The following NEFH variants were observed in gnomAD, a reference collection of about 807,000 sequenced individuals.
NEFH encodes neurofilament heavy chain.
In NEFH, 58 loss-of-function variants were observed where a neutral mutation model predicts 56.6. The observed-to-expected ratio is 1.03, with a 90% CI of 0.83 to 1.28. The LOEUF (loss-of-function observed/expected upper bound fraction) is 1.28. Ranked by LOEUF, NEFH falls within the 50% of genes most tolerant of loss-of-function variation. NEFH has a pLI of 0.00. For missense variants in NEFH, 1,221 were observed against 1,307.6 expected (o/e 0.93, Z 1.02); for synonymous variants, 542 against 545.8 (o/e 0.99, Z 0.10).
At position 29,490,699 on chromosome 22, in the gene NEFH, A is replaced by C; in HGVS notation, c.3059A>C (p.Lys1020Thr). 6.2e-7 allele frequency: 1 copy of C among 1,614,156 alleles called. No individual in the cohort carries two copies. The change falls in exon 4 of 4, where the codon AAG (lysine) becomes ACG (threonine). Residue 1020 changes from lysine (K) to threonine (T), a missense_variant. Transcript: ENST00000310624. ...KATEDKAAKG[K>T] ...ACAGAAGACAAGGCCGCCAAGGGGA[A>C]GTAAGGCAGGGAGAAAGGAACATCC...
rs762622520 is a variant in NEFH at position 29,489,402 on chromosome 22, G to A, written c.1762G>A (p.Ala588Thr). ...GTCCCCCGAGAAGGCCAAGTCCCCA[G>A]CAAAGGAAGAGGCAAAGTCACCGGC... is the stretch of plus-strand genomic sequence containing the variant. ...VKSPEKAKSP[A>T]KEEAKSPAEA... The change falls in exon 4 of 4, where the codon GCA becomes ACA. Residue 588 changes from alanine (A) to threonine (T), a missense_variant. This residue lies in a region of NEFH where 243 missense variants were observed against 299.1 expected (regional missense o/e 0.81). Transcript: ENST00000310624. The A allele has an allele frequency of 7.4e-6, 12 of 1,613,042 alleles. No individual in the cohort carries two copies. Among genetic ancestry groups the A allele is most frequent in the East Asian group, 2.2e-5 (1 of 44,862 alleles).
intron 2 of NEFH, among the ~76,000 whole-genome samples, chr22:29,484,911 T>C (rs1426804875): frequency 6.6e-6 from 1 of 151,846 alleles, no homozygotes; most frequent in Non-Finnish European, 1.5e-5. Context: ...CATAGCTCAC[T>C]AAAGTCTTGT....
In NEFH at chr22:29,483,411, A is replaced by T; in HGVS notation, c.920A>T (p.Asn307Ile). Residue 307 changes from asparagine to isoleucine, a missense_variant, in exon 2 of 4, where the codon AAC (asparagine) becomes ATC (isoleucine). Transcript: ENST00000310624. ...LDRLSEAAKVNTDAMRSAQEE... is the reference protein window; with the variant it reads ...LDRLSEAAKVITDAMRSAQEE... ...CGACTGTCGGAGGCAGCCAAGGTGA[A>T]CACAGACGCTATGCGCTCAGCGCAG... 2 of 1,613,838 alleles carry T rather than the reference A, an allele frequency of 1.2e-6. No homozygotes were observed. The highest frequency in any genetic ancestry group is 4.5e-5 in the East Asian group (2 of 44,890).
chr22:29,483,388 A>C lies in NEFH; in HGVS notation c.897A>C (p.Arg299=), dbSNP rs1319093674. ...SEEWFRVRLD[R]LSEAAKVNTD... ...CTTCTCCCCCAGTGAGGCTGGACCG[A>C]CTGTCGGAGGCAGCCAAGGTGAACA... Residue 299 remains arginine, a synonymous_variant, in exon 2 of 4, where the codon CGA becomes CGC. Coordinates refer to ENST00000310624, the MANE Select transcript of NEFH (RefSeq NM_021076.4). 3.1e-6 allele frequency: 5 copies of C among 1,613,808 alleles called. No individual in the cohort carries two copies. Among genetic ancestry groups the C allele is most frequent in the Non-Finnish European group, 4.2e-6 (5 of 1,180,026 alleles).
At position 29,490,127 on chromosome 22, in the gene NEFH, G is replaced by A; in HGVS notation, c.2487G>A (p.Lys829=). ...AGTCCCCAGTGAAGGAGGAGGAGAA[G>A]CCCCAGGAGGTGAAAGTCAAAGAGC... The part of the protein sequence containing the change: ...EVKSPVKEEE[K]PQEVKVKEPP... The change falls in exon 4 of 4, where the codon AAG becomes AAA. Residue 829 remains lysine, a synonymous_variant. Transcript: ENST00000310624. 1.2e-6 allele frequency: 2 copies of A among 1,613,986 alleles called. No homozygotes were observed. Among genetic ancestry groups the A allele is most frequent in the Non-Finnish European group, 1.7e-6 (2 of 1,179,984 alleles).
At position 29,483,585 on chromosome 22, in the gene NEFH, G is replaced by T; in HGVS notation, c.1083+11G>T. ...ATTGCCTCCTACCAGGTGGGCAGGGGCAAGGCAGACAGCCAGACTGCCTTA... is the reference window on the plus strand; with the variant it reads ...ATTGCCTCCTACCAGGTGGGCAGGGTCAAGGCAGACAGCCAGACTGCCTTA... On this transcript the variant is annotated intron_variant, in intron 2 of 3. Coordinates refer to ENST00000310624, the MANE Select transcript of NEFH (RefSeq NM_021076.4). 3 of 1,613,072 alleles carry T rather than the reference G, an allele frequency of 1.9e-6. No individual in the cohort carries two copies. Among genetic ancestry groups the T allele is most frequent in the Non-Finnish European group, 2.5e-6 (3 of 1,179,874 alleles).
At chr22:29,481,558 G>T (rs1214147296) in intron 1 of NEFH, among the ~76,000 whole-genome samples, 1 of 152,154 alleles carries the variant, frequency 6.6e-6, no homozygotes, top group Non-Finnish European at 1.5e-5. Flanking sequence ...CCCCGCCAAT[G>T]CTGCCATGCC....
Position 29,483,227 on chromosome 22 carries a change from T to C in NEFH, c.884-148T>C, listed in dbSNP as rs1232154977. On this transcript the variant is annotated intron_variant, in intron 1 of 3. Transcript: ENST00000310624. The stretch of plus-strand genomic sequence containing the variant: ...CCAGGAGGCGGAGCTTGCAGCGAGC[T>C]GAGAGTGCACCACTGCCCTCCAGCC... 3 of 721,122 alleles carry C rather than the reference T, an allele frequency of 4.2e-6. No individual in the cohort carries two copies. In the African/African-American group the frequency reaches 5.4e-5, roughly 13 times the overall value. The allele number at this position is 721,122 out of a possible 1,614,324, so 44.7% of individuals were successfully genotyped here. A position where few individuals can be genotyped will look rare whatever the true frequency, so the allele number is the denominator to read the frequency against.
In NEFH at chr22:29,490,153, C is replaced by A; in HGVS notation, c.2513C>A (p.Pro838His). ...CCCCAGGAGGTGAAAGTCAAAGAGCCCCCAAAGAAGGCAGAGGAAGAGAAA... is the reference window on the plus strand; with the variant it reads ...CCCCAGGAGGTGAAAGTCAAAGAGCACCCAAAGAAGGCAGAGGAAGAGAAA... ...EKPQEVKVKE[P>H]PKKAEEEKAP... The change falls in exon 4 of 4, where the codon CCC becomes CAC. Residue 838 changes from proline to histidine, a missense_variant. By Grantham distance (77) the Pro-to-His change is moderately conservative. This residue lies in a region of NEFH where 301 missense variants were observed against 346.6 expected (regional missense o/e 0.87). Transcript: ENST00000310624. 6.2e-7 allele frequency: 1 copy of A among 1,613,486 alleles called. No homozygotes were observed. Among genetic ancestry groups the A allele is most frequent in the African/African-American group, 1.3e-5 (1 of 74,902 alleles).
chr22:29,484,777 G>A lies in NEFH; in HGVS notation c.1084-946G>A, dbSNP rs114456709. Among the ~76,000 whole-genome samples, 943 of 152,052 alleles carry A rather than the reference G, an allele frequency of 6.2e-3. 19 individuals carry two copies. The highest frequency in any genetic ancestry group is 0.022 in the African/African-American group (914 of 41,516). ...AAACCCTGACTGTGTGGTGGACACT[G>A]TGGCACACTGGAGAAAGACAGGAGC... On this transcript the variant is annotated intron_variant, in intron 2 of 3. Transcript: ENST00000310624.
Position 29,491,191 on chromosome 22 carries a change from GCCGGGGA to G in NEFH, c.*490_*496del. ...ATTCTGGAAGAGCGGTCCAGGTGGG[GCCGGGGA>G]CTGGCCACTGAATTATGCCAGGGCG... is the stretch of plus-strand genomic sequence containing the variant. On this transcript the variant is annotated 3_prime_UTR_variant, in exon 4 of 4. Coordinates refer to ENST00000310624, the MANE Select transcript of NEFH (RefSeq NM_021076.4). The G allele has an allele frequency of 4.0e-6, 1 of 248,954 alleles. No individual in the cohort carries two copies. The highest frequency in any genetic ancestry group is 5.2e-5 in the Admixed American group (1 of 19,366). The allele number at this position is 248,954 out of a possible 1,614,324, so 15.4% of individuals were successfully genotyped here. A position where few individuals can be genotyped will look rare whatever the true frequency, so the allele number is the denominator to read the frequency against.
chr22:29,485,285 TAG>T (rs1318968435), intron 2 of NEFH, among the ~76,000 whole-genome samples: 2 of 152,172 alleles, frequency 1.3e-5, no homozygotes, highest in African/African-American at 4.8e-5. Context: ...GTATTTTTAG[TAG>T]AGACAGGGTT....
At chr22:29,488,739 C>G (rs2063057992) in intron 3 of NEFH, 110 bp from the exon 4 acceptor site, 2 of 1,067,882 alleles carry the variant, frequency 1.9e-6, no homozygotes, top group African/African-American at 3.1e-5. Flanking sequence ...TCCTGTTCCA[C>G]CAAAACCCAT....
At position 29,490,053 on chromosome 22, in the gene NEFH, G is replaced by GA; in HGVS notation, c.2414dup (p.Asp806GlyfsTer6). The GA allele has an allele frequency of 6.2e-7, 1 of 1,613,904 alleles. No individual in the cohort carries two copies. The highest frequency in any genetic ancestry group is 8.5e-7 in the Non-Finnish European group (1 of 1,179,872). ...AGAGAAGGCGAAATCTCCCCTGAAG[G>GA]AGGATGCCAAGGCCCCTGAGAAGGA... is the stretch of plus-strand genomic sequence containing the variant. On this transcript the variant is annotated frameshift_variant, in exon 4 of 4. Coordinates refer to ENST00000310624, the MANE Select transcript of NEFH (RefSeq NM_021076.4). LOFTEE classifies it high-confidence loss of function.
chr22:29,481,065 C>T lies in NEFH; in HGVS notation c.803C>T (p.Thr268Met), dbSNP rs2063004860. The T allele has an allele frequency of 6.5e-7, 1 of 1,532,008 alleles. No individual in the cohort carries two copies. 94.9% of individuals were successfully genotyped at this position (1,532,008 alleles called of 1,614,324 possible). The change falls in exon 1 of 4, where the codon ACG becomes ATG. Residue 268 changes from threonine to methionine, a missense_variant. Coordinates refer to ENST00000310624, the MANE Select transcript of NEFH (RefSeq NM_021076.4). Reference protein sequence around the residue: ...ETRDALKCDVTSALREIRAQL... With the variant: ...ETRDALKCDVMSALREIRAQL... ...CGCGACGCCCTGAAGTGCGACGTGA[C>T]GTCGGCGCTGCGCGAGATTCGCGCG...
At chr22:29,487,130 TAGTC>T (rs362061) in intron 3 of NEFH, among the ~76,000 whole-genome samples, 23,192 of 152,016 alleles carry the variant, frequency 0.15, 1,901 homozygotes, top group South Asian at 0.17. Flanking sequence ...AGGGAACCCT[TAGTC>T]AGTGGCAGCC....
At chr22:29,485,640 G>A (rs1471324138) in intron 2 of NEFH, 83 bp from the exon 3 acceptor site, 3 of 1,535,738 alleles carry the variant, frequency 2.0e-6, no homozygotes, top group African/African-American at 2.7e-5. Context: ...CCTGCTCTGG[G>A]GTCGCACAGC....
intron 3 of NEFH, among the ~76,000 whole-genome samples, chr22:29,488,600 G>A (rs2063057183): frequency 1.3e-5 from 2 of 152,086 alleles, no homozygotes; most frequent in African/African-American, 4.8e-5. Flanking sequence ...GGGCAACACA[G>A]TGAGACCCTC....
chr22:29,480,852 C>T lies in NEFH; in HGVS notation c.590C>T (p.Ala197Val). The T allele has an allele frequency of 7.2e-7, 1 of 1,394,460 alleles. No homozygotes were observed. Among genetic ancestry groups the T allele is most frequent in the Non-Finnish European group, 9.2e-7 (1 of 1,086,934 alleles). The allele number at this position is 1,394,460 out of a possible 1,614,324, so 86.4% of individuals were successfully genotyped here. The change falls in exon 1 of 4, where the codon GCG becomes GTG. Residue 197 changes from alanine to valine, a missense_variant. Ala to Val is a moderately conservative substitution (Grantham distance 64, BLOSUM62 0). Transcript: ENST00000310624. ...GCCCGGCAGCGAGAGGAGGCCGAGG[C>T]GGCGGCCCGCGCGCTGGCGCGCTTC... Reference protein sequence around the residue: ...DEARQREEAEAAARALARFAQ... With the variant: ...DEARQREEAEVAARALARFAQ...
Sources: gnomAD v4.1 joint callset for allele counts (sites outside exome capture counted in the v4.1 genomes callset) on GRCh38, gnomAD v4.1.1 for gene constraint, gnomAD v4.1.1 regional missense constraint, MANE v1.5 for transcripts, NCBI Gene and HGNC (gene_info 2026-07-23, HGNC 2026-07-21) for gene names.